Variants in ARHGEF26 observed in about 807,000 individuals in gnomAD.
ARHGEF26 encodes Rho guanine nucleotide exchange factor (GEF) 26.
Under a neutral mutation model 89.4 loss-of-function variants are expected in ARHGEF26, and 59 were observed. The observed-to-expected ratio is 0.66, with a 90% confidence interval of 0.54 to 0.82. The LOEUF (loss-of-function observed/expected upper bound fraction) is 0.82, where lower values mean the gene tolerates loss of function less well. Ranked by LOEUF, ARHGEF26 falls within the 40% of genes least tolerant of loss-of-function variation. The pLI is 0.00. For synonymous variants in ARHGEF26, 500 were observed against 428.4 expected (o/e 1.17, Z -2.06); for missense variants, 1,234 against 1,085.6 (o/e 1.14, Z -1.92).
chr3:154,252,777 A>G (rs530376686), intron 12 of ARHGEF26, among the ~76,000 whole-genome samples: 2 of 152,344 alleles, frequency 1.3e-5, no homozygotes, highest in South Asian at 4.1e-4. Flanking sequence ...TGCTTTTGAA[A>G]TGTTAAACAT....
At chr3:154,220,632 T>C (rs1160385498) in intron 10 of ARHGEF26, among the ~76,000 whole-genome samples, 2 of 152,082 alleles carry the variant, frequency 1.3e-5, no homozygotes, top group Non-Finnish European at 2.9e-5. Flanking sequence ...CAAACACTCC[T>C]GCGGACAGCC....
chr3:154,227,300 T>A (rs1262469144), intron 11 of ARHGEF26, among the ~76,000 whole-genome samples: 1 of 151,210 alleles, frequency 6.6e-6, no homozygotes, highest in African/African-American at 2.4e-5. Flanking sequence ...AAATTTTTTT[T>A]TTTTTTTTTT....
At chr3:154,147,282 A>G (rs966211887) in intron 4 of ARHGEF26, among the ~76,000 whole-genome samples, 5 of 152,168 alleles carry the variant, frequency 3.3e-5, no homozygotes, top group Non-Finnish European at 5.9e-5. Context: ...GTGCACGCCT[A>G]TAATCTCAGC....
At chr3:154,198,272 G>A (rs747397511) in intron 9 of ARHGEF26, among the ~76,000 whole-genome samples, 29 of 152,306 alleles carry the variant, frequency 1.9e-4, no homozygotes, top group South Asian at 1.7e-3. Flanking sequence ...CTTTTACCCT[G>A]ATGGTGGGAA....
chr3:154,160,764 A>G (rs1160980751), intron 6 of ARHGEF26, among the ~76,000 whole-genome samples: 2 of 152,180 alleles, frequency 1.3e-5, no homozygotes, highest in Admixed American at 1.3e-4. Flanking sequence ...AAGACCTATA[A>G]GTATGATTAA....
In ARHGEF26 at chr3:154,255,451, T is replaced by A. The variant is rs1297455168; in HGVS notation, c.2594T>A (p.Leu865Gln). 1 of 1,613,596 alleles carries A rather than the reference T, an allele frequency of 6.2e-7. No homozygotes were observed. The highest frequency in any genetic ancestry group is 8.5e-7 in the Non-Finnish European group (1 of 1,179,730). The change falls in exon 15 of 15, where the codon CTA (leucine) becomes CAA (glutamine). Residue 865 changes from leucine to glutamine, a missense_variant. Transcript: ENST00000465093. ...DKNVERMGRL[L>Q]GLETNV Reference sequence around the variant, plus strand: ...AATGTGGAGAGAATGGGACGCTTGCTAGGACTGGAGACCAACGTGTAGTCT... The same window carrying A: ...AATGTGGAGAGAATGGGACGCTTGCAAGGACTGGAGACCAACGTGTAGTCT...
At chr3:154,247,269 A>ATT (rs1235181580) in intron 12 of ARHGEF26, among the ~76,000 whole-genome samples, 1 of 152,106 alleles carries the variant, frequency 6.6e-6, no homozygotes. Context: ...CGACACACAC[A>ATT]TTTCTGTAAA....
At chr3:154,152,139 G>A (rs973910385) in intron 5 of ARHGEF26, among the ~76,000 whole-genome samples, 1 of 152,158 alleles carries the variant, frequency 6.6e-6, no homozygotes. Flanking sequence ...AGTAGAGAAT[G>A]TGACTTGTTG....
At position 154,217,867 on chromosome 3, in the gene ARHGEF26, A is replaced by G. The variant is rs779065089; in HGVS notation, c.1846-2A>G. On this transcript the variant is annotated splice_acceptor_variant, in intron 9 of 14. Transcript: ENST00000465093. LOFTEE classifies it high-confidence loss of function. ...ACCCTCGTTACTCTTCTGTGTTCCCAGTTGGTTCGACTATGCAATGAGGGC... is the reference window on the plus strand; with the variant it reads ...ACCCTCGTTACTCTTCTGTGTTCCCGGTTGGTTCGACTATGCAATGAGGGC... 6.3e-7 allele frequency: 1 copy of G among 1,592,532 alleles called. No individual in the cohort carries two copies. The highest frequency in any genetic ancestry group is 8.6e-7 in the Non-Finnish European group (1 of 1,168,714).
At chr3:154,220,612 C>T (rs1164079364) in intron 10 of ARHGEF26, among the ~76,000 whole-genome samples, 1 of 152,106 alleles carries the variant, frequency 6.6e-6, no homozygotes, top group African/African-American at 2.4e-5. Context: ...GGTGGAGCTA[C>T]AGTAGCAGGC....
At position 154,136,270 on chromosome 3, in the gene ARHGEF26, G is replaced by GTATTTTAATTTTAATTAAAA. The variant is rs1560045281; in HGVS notation, c.1269+6559_1269+6560insTTTTAATTAAAATATTTTAA. Among the ~76,000 whole-genome samples the GTATTTTAATTTTAATTAAAA allele has an allele frequency of 7.5e-3, 1,005 of 133,720 alleles. 44 individuals carry two copies. Among genetic ancestry groups the GTATTTTAATTTTAATTAAAA allele is most frequent in the African/African-American group, 0.026 (841 of 31,866 alleles). 87.7% of individuals were successfully genotyped at this position (133,720 alleles called of 152,430 possible). A position where few individuals can be genotyped will look rare whatever the true frequency, so the allele number is the denominator to read the frequency against. On this transcript the variant is annotated intron_variant, in intron 4 of 14. Coordinates refer to ENST00000465093, the MANE Select transcript of ARHGEF26 (RefSeq NM_015595.4). ...CTAAAGTATTTTAATTTTAATTAAA[G>GTATTTTAATTTTAATTAAAA]TATTTTAAGTAAAGTATTTTAATTT...
intron 2 of ARHGEF26, 57 bp from the exon 3 acceptor site, chr3:154,124,353 C>T: frequency 8.6e-7 from 1 of 1,167,796 alleles, no homozygotes; most frequent in Non-Finnish European, 1.2e-6. Flanking sequence ...TTGGCTCATT[C>T]ATACATAGTT....
chr3:154,193,923 C>G (rs1340181828), intron 8 of ARHGEF26, among the ~76,000 whole-genome samples: 1 of 151,902 alleles, frequency 6.6e-6, no homozygotes, highest in Non-Finnish European at 1.5e-5. Flanking sequence ...CAACCTCCAC[C>G]TCCCAGGCTC....
At chr3:154,235,334 T>G (rs1345506655) in intron 11 of ARHGEF26, among the ~76,000 whole-genome samples, 2 of 152,064 alleles carry the variant, frequency 1.3e-5, no homozygotes, top group Non-Finnish European at 2.9e-5. Context: ...TATTAAGGGT[T>G]TTGTGGGTTT....
intron 8 of ARHGEF26, among the ~76,000 whole-genome samples, chr3:154,192,316 C>T (rs1221690373): frequency 6.6e-6 from 1 of 152,144 alleles, no homozygotes; most frequent in East Asian, 1.9e-4. Flanking sequence ...ATTAAGGTTA[C>T]AAAGTAAATT....
chr3:154,181,039 T>G (rs1713151614), intron 6 of ARHGEF26, among the ~76,000 whole-genome samples: 1 of 152,092 alleles, frequency 6.6e-6, no homozygotes, highest in Non-Finnish European at 1.5e-5. Context: ...CTGCCATGGG[T>G]TAGTGGCGGT....
At chr3:154,215,731 G>T (rs1715678243) in intron 9 of ARHGEF26, among the ~76,000 whole-genome samples, 2 of 152,138 alleles carry the variant, frequency 1.3e-5, no homozygotes, top group Non-Finnish European at 2.9e-5. Flanking sequence ...AGAGAGAGCA[G>T]AGAGAAGAAG....
rs766390411 is a variant in ARHGEF26, at chr3:154,255,418, T to C, written c.2561T>C (p.Ile854Thr). The C allele has an allele frequency of 1.9e-6, 3 of 1,613,534 alleles. No individual in the cohort carries two copies. Among genetic ancestry groups the C allele is most frequent in the Non-Finnish European group, 2.5e-6 (3 of 1,179,850 alleles). ...CAKEITCQAT[I>T]DKNVERMGRL... ...AAGGAGATAACATGTCAAGCTACAATTGATAAGAATGTGGAGAGAATGGGA... is the reference window on the plus strand; with the variant it reads ...AAGGAGATAACATGTCAAGCTACAACTGATAAGAATGTGGAGAGAATGGGA... The change falls in exon 15 of 15, where the codon ATT becomes ACT. Residue 854 changes from isoleucine to threonine, a missense_variant. Ile to Thr is a moderately conservative substitution (Grantham distance 89). Transcript: ENST00000465093.
chr3:154,225,999 CAAG>C lies in ARHGEF26; in HGVS notation c.2087_2089del (p.Lys696del). 6.2e-7 allele frequency: 1 copy of C among 1,609,842 alleles called. No homozygotes were observed. Among genetic ancestry groups the C allele is most frequent in the African/African-American group, 1.3e-5 (1 of 74,742 alleles). On this transcript the variant is annotated inframe_deletion, in exon 11 of 15. Transcript: ENST00000465093. ...TCTTTAACGATGTGCTCATTATCAC[CAAG>C]AAGAAGAGGTAAGTCTTTATCTGGT...
Sources: gnomAD v4.1 joint callset for allele counts (sites outside exome capture counted in the v4.1 genomes callset) on GRCh38, gnomAD v4.1.1 for gene constraint, MANE v1.5 for transcripts, NCBI Gene and HGNC (gene_info 2026-07-23, HGNC 2026-07-21) for gene names.